The following TPRG1 variants were observed in gnomAD, a reference collection of about 807,000 sequenced individuals.
TPRG1 encodes the protein tumor protein p63-regulated gene 1 protein.
Under a neutral mutation model 29.3 loss-of-function variants are expected in TPRG1, and 29 were observed. The observed-to-expected ratio is 0.99, with a 90% CI of 0.74 to 1.35. The LOEUF (loss-of-function observed/expected upper bound fraction) is 1.35. Among genes scored for constraint, TPRG1 ranks in the 40% most tolerant of loss-of-function variants. The pLI, the probability that TPRG1 is intolerant of heterozygous loss-of-function variation, is 0.00. For missense variants in TPRG1, 327 were observed against 335.0 expected, an observed-to-expected ratio of 0.98 and a Z score of 0.19; for synonymous variants, 130 against 116.8, an observed-to-expected ratio of 1.11 and a Z score of -0.73.
intron 1 of TPRG1, among the ~76,000 whole-genome samples, chr3:189,205,661 C>G (rs546216505): frequency 6.6e-6 from 1 of 152,300 alleles, no homozygotes; most frequent in African/African-American, 2.4e-5. Flanking sequence ...TTCCTACTTT[C>G]ATGGTGAAAA....
intron 4 of TPRG1, among the ~76,000 whole-genome samples, chr3:189,295,456 C>T (rs1345029158): frequency 8.4e-6 from 1 of 119,132 alleles, no homozygotes; most frequent in Non-Finnish European, 1.6e-5. Context: ...GTTTAGTATT[C>T]ATTAGTTAAC....
intron 4 of TPRG1, among the ~76,000 whole-genome samples, chr3:189,291,848 A>G (rs1043550417): frequency 2.0e-5 from 3 of 152,194 alleles, no homozygotes; most frequent in African/African-American, 7.2e-5. Context: ...AGCTGGGAGC[A>G]TTGTGTTTTG....
chr3:189,068,044 A>G (rs1037667959), intron 4 of TPRG1, among the ~76,000 whole-genome samples: 1 of 152,214 alleles, frequency 6.6e-6, no homozygotes, highest in Non-Finnish European at 1.5e-5. Context: ...AAGACGTACA[A>G]ATGGCCAACA....
At chr3:189,223,119 CCA>C (rs1737185744) in intron 3 of TPRG1, among the ~76,000 whole-genome samples, 1 of 152,158 alleles carries the variant, frequency 6.6e-6, no homozygotes, top group Non-Finnish European at 1.5e-5. Context: ...AGCCTAGTTC[CCA>C]GTGATTAGTA....
At chr3:189,030,432 A>T (rs534048389) in intron 4 of TPRG1, among the ~76,000 whole-genome samples, 15 of 152,342 alleles carry the variant, frequency 9.8e-5, no homozygotes, top group Admixed American at 8.5e-4. Context: ...TCAAAAATCA[A>T]AATATCAGTT....
At chr3:189,215,146 G>C in intron 2 of TPRG1, 146 bp from the exon 3 acceptor site, 5 of 544,186 alleles carry the variant, frequency 9.2e-6, no homozygotes, top group Non-Finnish European at 1.5e-5. Context: ...AAGTTTTCTG[G>C]AAGGCAGTTA....
intron 4 of TPRG1, among the ~76,000 whole-genome samples, chr3:189,288,243 TA>T (rs558525848): frequency 2.6e-5 from 4 of 151,872 alleles, no homozygotes; most frequent in Admixed American, 6.6e-5. Context: ...ACATTGTATG[TA>T]AAAAAAAGAT....
chr3:189,124,033 G>T (rs1199347362), intron 1 of TPRG1, among the ~76,000 whole-genome samples: 1 of 152,134 alleles, frequency 6.6e-6, no homozygotes. Flanking sequence ...TTACTTCGTT[G>T]TACGTGTTCT....
At chr3:189,098,212 T>TA (rs1718813288), upstream of TPRG1, among the ~76,000 whole-genome samples, 2 of 151,390 alleles carry the variant, frequency 1.3e-5, no homozygotes, top group African/African-American at 2.4e-5. Flanking sequence ...TGTTTGAAGA[T>TA]AAAAAATATG....
intron 4 of TPRG1, among the ~76,000 whole-genome samples, chr3:189,243,965 C>A (rs1187199356): frequency 2.0e-5 from 3 of 152,186 alleles, no homozygotes; most frequent in Non-Finnish European, 4.4e-5. Flanking sequence ...ATCCTCCTGT[C>A]TTCTTCTGAA....
At chr3:189,279,217 T>C (rs1449223250) in intron 4 of TPRG1, among the ~76,000 whole-genome samples, 1 of 152,166 alleles carries the variant, frequency 6.6e-6, no homozygotes, top group African/African-American at 2.4e-5. Context: ...CAGCAGATCC[T>C]AGTTTGCCAA....
At chr3:189,061,590 A>G (rs368293783) in intron 4 of TPRG1, among the ~76,000 whole-genome samples, 1 of 152,212 alleles carries the variant, frequency 6.6e-6, no homozygotes, top group African/African-American at 2.4e-5. Context: ...TAAATTCACA[A>G]GAAAAAAACA....
At chr3:189,269,260 T>C (rs913064278) in intron 4 of TPRG1, among the ~76,000 whole-genome samples, 5 of 152,202 alleles carry the variant, frequency 3.3e-5, no homozygotes, top group Admixed American at 6.5e-5. Context: ...ACATACATTT[T>C]CCATAACAAT....
chr3:189,095,535 T>A (rs1718619612), upstream of TPRG1, among the ~76,000 whole-genome samples: 1 of 152,190 alleles, frequency 6.6e-6, no homozygotes, highest in African/African-American at 2.4e-5. Context: ...CTCCGTTCTT[T>A]AAAAATCTCT....
chr3:189,224,040 A>G (rs1737324754), intron 3 of TPRG1, among the ~76,000 whole-genome samples: 1 of 152,218 alleles, frequency 6.6e-6, no homozygotes, highest in Non-Finnish European at 1.5e-5. Flanking sequence ...ATGTAAACAA[A>G]GTCACAACAG....
chr3:189,300,026 C>A (rs927332677), intron 4 of TPRG1, among the ~76,000 whole-genome samples: 3 of 152,112 alleles, frequency 2.0e-5, no homozygotes, highest in African/African-American at 7.2e-5. Context: ...AGGTAGAGAG[C>A]AGATTAATTT....
At chr3:189,279,024 AC>A (rs1716645084) in intron 4 of TPRG1, among the ~76,000 whole-genome samples, 1 of 152,242 alleles carries the variant, frequency 6.6e-6, no homozygotes, top group African/African-American at 2.4e-5. Context: ...AGGTAGGCAA[AC>A]TTTTTCTCTA....
intron 1 of TPRG1, among the ~76,000 whole-genome samples, chr3:189,200,662 C>T (rs974907008): frequency 1.3e-5 from 2 of 152,178 alleles, no homozygotes; most frequent in Non-Finnish European, 1.5e-5. Flanking sequence ...AGTTCCCTGT[C>T]TGTGCACAAA....
chr3:189,279,472 T>G (rs1560642753), intron 4 of TPRG1, among the ~76,000 whole-genome samples: 1 of 152,210 alleles, frequency 6.6e-6, no homozygotes, highest in Non-Finnish European at 1.5e-5. Flanking sequence ...GGACCTTCAT[T>G]CAGATTGTAG....
Sources: allele counts gnomAD v4.1 joint callset (sites outside exome capture counted in the v4.1 genomes callset), GRCh38; gene constraint gnomAD v4.1.1; transcripts MANE v1.5; gene names NCBI Gene and HGNC (gene_info 2026-07-23, HGNC 2026-07-21).